The following ABCD3 variants were observed in gnomAD, a reference collection of about 807,000 sequenced individuals.
ABCD3 encodes the protein ATP-binding cassette sub-family D member 3.
A neutral mutation model predicts 105.5 loss-of-function variants in ABCD3; 41 were observed. That is an observed-to-expected ratio of 0.39 (90% CI 0.30 to 0.50). ABCD3 has a LOEUF of 0.50. Among genes scored for constraint, ABCD3 ranks in the 20% least tolerant of loss-of-function variants. The pLI, the probability that ABCD3 is intolerant of heterozygous loss-of-function variation, is 0.84. For missense variants in ABCD3, 622 were observed against 806.3 expected (o/e 0.77, Z 2.77); for synonymous variants, 258 against 269.0 (o/e 0.96, Z 0.40).
At chr1:94,393,105 CA>C in the ABCD3 span, among the ~76,000 whole-genome samples, 1 of 148,330 alleles carries the variant, frequency 6.7e-6, no homozygotes, top group African/African-American at 2.5e-5. Context: ...GACTCCATCT[CA>C]AAAAAATAAA....
At chr1:94,429,087 G>C (rs1253820960) in intron 1 of ABCD3, among the ~76,000 whole-genome samples, 1 of 152,182 alleles carries the variant, frequency 6.6e-6, no homozygotes, top group Admixed American at 6.5e-5. Flanking sequence ...CTGGAGCAAA[G>C]GTGACTCTTG....
At chr1:94,492,547 G>A (rs1649584276) in intron 16 of ABCD3, among the ~76,000 whole-genome samples, 1 of 152,142 alleles carries the variant, frequency 6.6e-6, no homozygotes, top group Non-Finnish European at 1.5e-5. Flanking sequence ...AATATTGACT[G>A]GCTCCACATA....
the ABCD3 span, among the ~76,000 whole-genome samples, chr1:94,391,262 G>A: frequency 6.6e-6 from 1 of 152,044 alleles, no homozygotes; most frequent in Non-Finnish European, 1.5e-5. Flanking sequence ...ATTATATTAG[G>A]TTGGTGCAAA....
At chr1:94,456,070 A>G (rs1268816266) in intron 1 of ABCD3, among the ~76,000 whole-genome samples, 1 of 151,722 alleles carries the variant, frequency 6.6e-6, no homozygotes, top group East Asian at 1.9e-4. Flanking sequence ...CTTTTGACCA[A>G]CTTTTCCCCA....
intron 1 of ABCD3, chr1:94,419,237 C>G (rs1408829528): frequency 2.1e-6 from 2 of 975,132 alleles, no homozygotes; most frequent in South Asian, 4.7e-5. Flanking sequence ...GCATTTCATC[C>G]GGAAAGGCTG....
chr1:94,448,229 T>G (rs182740938), intron 1 of ABCD3, among the ~76,000 whole-genome samples: 1 of 152,298 alleles, frequency 6.6e-6, no homozygotes, highest in African/African-American at 2.4e-5. Context: ...GATTGTTAGA[T>G]TACATGGATA....
Position 94,491,261 on chromosome 1 carries a change from TG to T in ABCD3, c.1386+15del. 6.3e-7 allele frequency: 1 copy of T among 1,589,688 alleles called. No individual in the cohort carries two copies. The highest frequency in any genetic ancestry group is 8.6e-7 in the Non-Finnish European group (1 of 1,158,588). On this transcript the variant is annotated intron_variant, in intron 16 of 22. Transcript: ENST00000370214. The stretch of plus-strand genomic sequence containing the variant: ...CTTAATTTTGAAGTAAGTTTTTAAA[TG>T]ATCATATAAAAGCTTAAATCATCTT...
chr1:94,489,952 CATT>C lies in ABCD3; in HGVS notation c.1303_1305del (p.Ile435del). 1 of 1,613,060 alleles carries C rather than the reference CATT, an allele frequency of 6.2e-7. No homozygotes were observed. The highest frequency in any genetic ancestry group is 2.2e-5 in the East Asian group (1 of 44,798). ...CCTTGATACCTGGTGCTGGAGAAATCATTATTGCAGATAACATTATAAAGTACG... is the reference window on the plus strand; with the variant it reads ...CCTTGATACCTGGTGCTGGAGAAATCATTGCAGATAACATTATAAAGTACG... On this transcript the variant is annotated inframe_deletion, in exon 15 of 23. Transcript: ENST00000370214.
chr1:94,500,618 G>C (rs115371903), intron 20 of ABCD3, among the ~76,000 whole-genome samples: 3,976 of 152,204 alleles, frequency 0.026, 59 homozygotes, highest in Middle Eastern at 0.051. Flanking sequence ...CTGTAGCTAA[G>C]GAAAGAAAGC....
chr1:94,389,476 A>G, the ABCD3 span, among the ~76,000 whole-genome samples: 1 of 152,250 alleles, frequency 6.6e-6, no homozygotes, highest in Non-Finnish European at 1.5e-5. Flanking sequence ...TGCCTTGAGG[A>G]CATGTTCCTG....
At chr1:94,453,845 T>G (rs1647394361) in intron 1 of ABCD3, among the ~76,000 whole-genome samples, 1 of 151,988 alleles carries the variant, frequency 6.6e-6, no homozygotes, top group Non-Finnish European at 1.5e-5. Context: ...AGTATTTTGT[T>G]TTCTAACTCA....
chr1:94,485,205 A>G (rs1306786819), intron 10 of ABCD3, among the ~76,000 whole-genome samples: 1 of 152,206 alleles, frequency 6.6e-6, no homozygotes, highest in Non-Finnish European at 1.5e-5. Flanking sequence ...CACTTGGAAA[A>G]TTTGAATTCA....
At chr1:94,475,505 CTT>C in intron 6 of ABCD3, 107 bp from the exon 7 acceptor site, 1 of 1,220,182 alleles carries the variant, frequency 8.2e-7, no homozygotes, top group Non-Finnish European at 1.2e-6. Flanking sequence ...TGGCTCCAAA[CTT>C]TTTTGTTTCT....
the ABCD3 span, among the ~76,000 whole-genome samples, chr1:94,390,505 G>A: frequency 2.0e-5 from 3 of 152,074 alleles, no homozygotes; most frequent in South Asian, 2.1e-4. Context: ...GTTTCACCAC[G>A]TTGGGTAGGC....
chr1:94,461,077 CAA>C (rs1277767529), intron 2 of ABCD3, among the ~76,000 whole-genome samples: 1 of 152,054 alleles, frequency 6.6e-6, no homozygotes, highest in Non-Finnish European at 1.5e-5. Flanking sequence ...AAAAAGGACA[CAA>C]TATGCACACT....
chr1:94,405,761 C>T, the ABCD3 span, among the ~76,000 whole-genome samples: 1 of 151,970 alleles, frequency 6.6e-6, no homozygotes, highest in Admixed American at 6.6e-5. Context: ...TTGTCATTTG[C>T]CTATTTTTCT....
chr1:94,441,053 T>C (rs1660112696), intron 1 of ABCD3, among the ~76,000 whole-genome samples: 1 of 152,096 alleles, frequency 6.6e-6, no homozygotes, highest in Admixed American at 6.5e-5. Flanking sequence ...ATAACCTGGG[T>C]GTAGGGAAAG....
At chr1:94,390,373 G>C in the ABCD3 span, among the ~76,000 whole-genome samples, 1 of 152,054 alleles carries the variant, frequency 6.6e-6, no homozygotes, top group Non-Finnish European at 1.5e-5. Flanking sequence ...TGTGACCTGG[G>C]CTCACTGCAA....
At chr1:94,472,343 A>G in intron 4 of ABCD3, 1 of 328,644 alleles carries the variant, frequency 3.0e-6, no homozygotes, top group Non-Finnish European at 4.4e-6. Context: ...AACAATTTTA[A>G]CATAAATTCT....
Sources: gnomAD v4.1 joint callset for allele counts (sites outside exome capture counted in the v4.1 genomes callset) on GRCh38, gnomAD v4.1.1 for gene constraint, MANE v1.5 for transcripts, NCBI Gene and HGNC (gene_info 2026-07-23, HGNC 2026-07-21) for gene names.